KIF13B: variants seen among roughly 807,000 people sequenced by gnomAD.
KIF13B encodes the protein kinesin-like protein KIF13B.
Under a neutral mutation model 222.0 loss-of-function variants are expected in KIF13B, and 127 were observed. The observed-to-expected ratio is 0.57, with a 90% CI of 0.50 to 0.66. KIF13B has a LOEUF of 0.66. Among genes scored for constraint, KIF13B ranks in the 30% least tolerant of loss-of-function variants. The pLI is 0.00. For missense variants in KIF13B, 2,173 were observed against 2,379.0 expected (o/e 0.91, Z 1.80); for synonymous variants, 976 against 919.0 (o/e 1.06, Z -1.12).
intron 14 of KIF13B, among the ~76,000 whole-genome samples, 178 bp from the exon 15 acceptor site, chr8:29,150,561 T>G (rs1047845141): frequency 1.3e-5 from 2 of 152,258 alleles, no homozygotes; most frequent in African/African-American, 4.8e-5. Flanking sequence ...CTAAAATGTT[T>G]ATGGTACAAA....
At chr8:29,205,582 C>T (rs1486979085) in intron 2 of KIF13B, among the ~76,000 whole-genome samples, 2 of 152,166 alleles carry the variant, frequency 1.3e-5, no homozygotes, top group African/African-American at 4.8e-5. Context: ...ATTCTACACA[C>T]CCCATTACAT....
At chr8:29,111,788 C>T (rs1586793353) in intron 32 of KIF13B, among the ~76,000 whole-genome samples, 1 of 152,176 alleles carries the variant, frequency 6.6e-6, no homozygotes, top group South Asian at 2.1e-4. Flanking sequence ...TTTACAGAGA[C>T]AAGATCTGAA....
At chr8:29,261,469 A>G (rs1816678035) in intron 1 of KIF13B, among the ~76,000 whole-genome samples, 1 of 152,232 alleles carries the variant, frequency 6.6e-6, no homozygotes, top group Admixed American at 6.5e-5. Context: ...TTTTGTGAAA[A>G]GGAAATTTTA....
intron 12 of KIF13B, 62 bp from the exon 13 acceptor site, chr8:29,160,929 G>A (rs756281210): frequency 1.4e-5 from 20 of 1,389,698 alleles, no homozygotes; most frequent in Middle Eastern, 3.6e-4. Context: ...ATATCCAAGC[G>A]TTTACATTAC....
intron 30 of KIF13B, among the ~76,000 whole-genome samples, chr8:29,117,578 C>G (rs1809661557): frequency 6.6e-6 from 1 of 152,150 alleles, no homozygotes; most frequent in Non-Finnish European, 1.5e-5. Context: ...ACGCTTGACC[C>G]TGCTGAACTG....
intron 27 of KIF13B, 84 bp from the exon 28 acceptor site, chr8:29,123,576 A>C (rs1290643423): frequency 1.9e-6 from 3 of 1,547,450 alleles, no homozygotes; most frequent in Non-Finnish European, 2.6e-6. Flanking sequence ...GGATTTGCCT[A>C]TATTTCAATT....
At chr8:29,194,015 A>G (rs1485302727) in intron 3 of KIF13B, among the ~76,000 whole-genome samples, 88 of 148,772 alleles carry the variant, frequency 5.9e-4, no homozygotes, top group African/African-American at 2.1e-3. Flanking sequence ...TAGTAGAGAC[A>G]GGGTTTCACT....
chr8:29,092,094 A>C (rs1000009903), intron 37 of KIF13B, among the ~76,000 whole-genome samples: 1 of 152,236 alleles, frequency 6.6e-6, no homozygotes, highest in African/African-American at 2.4e-5. Flanking sequence ...TGTGTTTTTG[A>C]ATGAGTATAA....
intron 34 of KIF13B, 77 bp downstream of exon 34, chr8:29,109,357 T>G: frequency 8.8e-7 from 1 of 1,135,562 alleles, no homozygotes; most frequent in Non-Finnish European, 1.3e-6. Flanking sequence ...GTTTGACGGG[T>G]GGAGAAGAGT....
In KIF13B at chr8:29,108,195, G is replaced by A; in HGVS notation, c.4162-3C>T. The A allele has an allele frequency of 6.2e-7, 1 of 1,611,236 alleles. No individual in the cohort carries two copies. On this transcript the variant is annotated splice_region_variant and splice_polypyrimidine_tract_variant and intron_variant, in intron 34 of 39. Coordinates refer to ENST00000524189, the MANE Select transcript of KIF13B (RefSeq NM_015254.4). ...AGATCTTGTCGGCTTCCAGACAACTGAAGAAGAAAGAAAGGGGGGTTAGTT... is the reference window on the plus strand; with the variant it reads ...AGATCTTGTCGGCTTCCAGACAACTAAAGAAGAAAGAAAGGGGGGTTAGTT...
chr8:29,211,393 G>C (rs1197721145), intron 2 of KIF13B, among the ~76,000 whole-genome samples: 1 of 151,368 alleles, frequency 6.6e-6, no homozygotes, highest in Non-Finnish European at 1.5e-5. Context: ...GGAGAACAAG[G>C]GAAGTGAGCC....
At chr8:29,089,761 G>T (rs1445945877) in intron 37 of KIF13B, among the ~76,000 whole-genome samples, 1 of 151,874 alleles carries the variant, frequency 6.6e-6, no homozygotes, top group East Asian at 1.9e-4. Context: ...AAGCGTGGTG[G>T]CAGGTGCCTG....
Position 29,182,604 on chromosome 8 carries a change from A to T in KIF13B, c.498-598T>A, listed in dbSNP as rs911466660. On this transcript the variant is annotated intron_variant, in intron 6 of 39. Transcript: ENST00000524189. ...ATATTCATTAAGTTTTTTTTTTTTT[A>T]AAAGAAAACCCCTCTTAGCAAAGAA... Among the ~76,000 whole-genome samples the T allele has an allele frequency of 5.3e-4, 80 of 150,684 alleles. 1 individual carries two copies. Among genetic ancestry groups the T allele is most frequent in the Admixed American group, 4.1e-3 (62 of 15,200 alleles).
chr8:29,121,758 A>C (rs1006504208), intron 29 of KIF13B, among the ~76,000 whole-genome samples: 3 of 151,228 alleles, frequency 2.0e-5, no homozygotes, highest in Admixed American at 6.6e-5. Context: ...CTACCATCAG[A>C]GTGAACAGGC....
chr8:29,234,009 T>G (rs1815398233), intron 2 of KIF13B, among the ~76,000 whole-genome samples: 1 of 152,220 alleles, frequency 6.6e-6, no homozygotes, highest in Admixed American at 6.5e-5. Context: ...TCAAGAATAT[T>G]TGGTAATTTA....
chr8:29,228,472 A>AAAAAAAAAAAAAAAAATAT, intron 2 of KIF13B, among the ~76,000 whole-genome samples: 11 of 117,082 alleles, frequency 9.4e-5, no homozygotes, highest in African/African-American at 3.6e-4. Context: ...ATCTTAAAAA[A>AAAAAAAAAAAAAAAAATAT]ATATATATAT....
intron 30 of KIF13B, among the ~76,000 whole-genome samples, chr8:29,118,201 C>A (rs1316709189): frequency 6.7e-6 from 1 of 148,976 alleles, no homozygotes; most frequent in Admixed American, 6.7e-5. Flanking sequence ...GATTTCAAAG[C>A]AAATCCCAGC....
At chr8:29,187,935 T>G (rs1813013172) in intron 5 of KIF13B, among the ~76,000 whole-genome samples, 1 of 151,890 alleles carries the variant, frequency 6.6e-6, no homozygotes, top group Non-Finnish European at 1.5e-5. Context: ...GCTGGCCAGC[T>G]GCAGGAGCAG....
rs186337336 is a variant in KIF13B, at chr8:29,156,177, G to T, written c.1405-321C>A. ...GTACAGACAGGGTTTCACCATGTTG[G>T]CCAGGCTGGTCTCAAACTCCTGACC... On this transcript the variant is annotated intron_variant, in intron 13 of 39. Coordinates refer to ENST00000524189, the MANE Select transcript of KIF13B (RefSeq NM_015254.4). Among the ~76,000 whole-genome samples, 1,233 of 152,160 alleles carry T rather than the reference G, an allele frequency of 8.1e-3. 7 individuals carry two copies. The highest frequency in any genetic ancestry group is 0.014 in the African/African-American group (579 of 41,494).
Sources: gnomAD v4.1 joint callset for allele counts (sites outside exome capture counted in the v4.1 genomes callset) on GRCh38, gnomAD v4.1.1 for gene constraint, MANE v1.5 for transcripts, NCBI Gene and HGNC (gene_info 2026-07-23, HGNC 2026-07-21) for gene names.